RGS6: variants seen among roughly 807,000 people sequenced by gnomAD.
RGS6 encodes the protein regulator of G protein signaling 6.
Under a neutral mutation model 78.5 loss-of-function variants are expected in RGS6, and 30 were observed. That is an observed-to-expected ratio of 0.38 (90% CI 0.29 to 0.52). RGS6 has a LOEUF of 0.52. RGS6 is among the 20% of genes least tolerant of loss of function. The probability of loss-of-function intolerance (pLI) is 0.85; values close to 1 mark genes in which losing one functional copy is unlikely to be tolerated. For missense variants in RGS6, 495 were observed against 609.7 expected, an observed-to-expected ratio of 0.81 and a Z score of 1.98; for synonymous variants, 206 against 206.0, an observed-to-expected ratio of 1.00 and a Z score of 0.00.
the RGS6 span, among the ~76,000 whole-genome samples, chr14:71,886,922 C>T: frequency 0.081 from 12,291 of 152,150 alleles, 633 homozygotes; most frequent in South Asian, 0.14. Flanking sequence ...GAGGCCGAGG[C>T]GGGTGGATCA....
At chr14:71,915,355 C>T in the RGS6 span, among the ~76,000 whole-genome samples, 2 of 152,184 alleles carry the variant, frequency 1.3e-5, no homozygotes, top group African/African-American at 4.8e-5. Context: ...GAGCCCCACC[C>T]TTTCCATTAT....
At chr14:72,414,600 G>C (rs762577823) in intron 3 of RGS6, among the ~76,000 whole-genome samples, 2 of 152,180 alleles carry the variant, frequency 1.3e-5, no homozygotes, top group Admixed American at 1.3e-4. Flanking sequence ...TTCCGTTGCT[G>C]GTGAGGAGCT....
chr14:71,927,874 G>T (rs1253781272), upstream of RGS6, among the ~76,000 whole-genome samples: 1 of 151,808 alleles, frequency 6.6e-6, no homozygotes, highest in African/African-American at 2.4e-5. Flanking sequence ...TAGCCAGGAT[G>T]GTCTCGATCT....
At chr14:72,180,851 C>G (rs1460307038) in intron 2 of RGS6, among the ~76,000 whole-genome samples, 3 of 152,194 alleles carry the variant, frequency 2.0e-5, no homozygotes, top group African/African-American at 7.2e-5. Context: ...TTCCACCTTC[C>G]CCCTTCCACC....
At chr14:72,536,331 T>G in intron 16 of RGS6, 56 bp downstream of exon 16, 4 of 1,273,868 alleles carry the variant, frequency 3.1e-6, no homozygotes, top group Non-Finnish European at 4.6e-6. Flanking sequence ...GCCTGCTGCT[T>G]GCTGCTGGTT....
At chr14:72,245,186 G>A (rs757442693) in intron 2 of RGS6, among the ~76,000 whole-genome samples, 63 of 152,238 alleles carry the variant, frequency 4.1e-4, no homozygotes, top group Non-Finnish European at 3.1e-4. Context: ...AAGCACACAC[G>A]TTTGTTGAAT....
At chr14:72,463,505 C>T (rs1280784233) in intron 6 of RGS6, among the ~76,000 whole-genome samples, 1 of 152,220 alleles carries the variant, frequency 6.6e-6, no homozygotes, top group East Asian at 1.9e-4. Context: ...CAGGAGTGGC[C>T]CCAGCTCTGC....
chr14:72,176,895 C>G (rs1272046549), intron 2 of RGS6, among the ~76,000 whole-genome samples: 2 of 152,156 alleles, frequency 1.3e-5, no homozygotes, highest in East Asian at 3.9e-4. Flanking sequence ...GCTCTTGTGC[C>G]CCTTTCCAAT....
intron 1 of RGS6, among the ~76,000 whole-genome samples, chr14:71,950,109 G>A (rs1169805635): frequency 1.3e-5 from 2 of 151,990 alleles, no homozygotes; most frequent in African/African-American, 4.8e-5. Flanking sequence ...GCACCCTCTA[G>A]TTTGTTCTTA....
At chr14:71,961,330 G>A (rs1430026314) in intron 1 of RGS6, among the ~76,000 whole-genome samples, 2 of 152,186 alleles carry the variant, frequency 1.3e-5, no homozygotes, top group African/African-American at 4.8e-5. Flanking sequence ...GAACTCTAAG[G>A]TTGCTGGATT....
At chr14:72,226,208 A>C (rs747956218) in intron 2 of RGS6, among the ~76,000 whole-genome samples, 4 of 152,212 alleles carry the variant, frequency 2.6e-5, no homozygotes, top group Non-Finnish European at 5.9e-5. Context: ...AACTGAAAAT[A>C]CCACTGAAAT....
intron 2 of RGS6, among the ~76,000 whole-genome samples, chr14:72,297,435 T>TATTA (rs1162082459): frequency 6.8e-6 from 1 of 146,164 alleles, no homozygotes; most frequent in South Asian, 2.1e-4. Flanking sequence ...TATTATTTTT[T>TATTA]TTTTATACTT....
chr14:72,117,665 G>A (rs576457527), intron 2 of RGS6, among the ~76,000 whole-genome samples: 1 of 152,148 alleles, frequency 6.6e-6, no homozygotes, highest in Non-Finnish European at 1.5e-5. Flanking sequence ...ACAACATGGG[G>A]GACCTTGTGC....
At chr14:71,883,158 C>T in the RGS6 span, among the ~76,000 whole-genome samples, 1 of 152,148 alleles carries the variant, frequency 6.6e-6, no homozygotes, top group South Asian at 2.1e-4. Flanking sequence ...TATTAAGTAT[C>T]TGTAATGTAG....
At chr14:71,985,774 TG>T (rs2094684611) in intron 2 of RGS6, among the ~76,000 whole-genome samples, 1 of 152,208 alleles carries the variant, frequency 6.6e-6, no homozygotes, top group South Asian at 2.1e-4. Context: ...TGTTGATGCC[TG>T]GGGATATTCA....
the RGS6 span, among the ~76,000 whole-genome samples, chr14:71,918,350 G>A: frequency 3.9e-5 from 6 of 152,088 alleles, no homozygotes; most frequent in Non-Finnish European, 5.9e-5. Context: ...CCATCATAGT[G>A]AAATTAAAGG....
intron 13 of RGS6, among the ~76,000 whole-genome samples, chr14:72,498,029 C>T (rs1201750102): frequency 6.6e-6 from 1 of 152,114 alleles, no homozygotes; most frequent in Non-Finnish European, 1.5e-5. Context: ...AGAATCACTG[C>T]TTTGATTTTC....
At chr14:72,500,351 C>T (rs908488235) in intron 13 of RGS6, among the ~76,000 whole-genome samples, 2 of 152,194 alleles carry the variant, frequency 1.3e-5, no homozygotes, top group Non-Finnish European at 2.9e-5. Context: ...CTACTCCTAC[C>T]CACTTAGTTG....
intron 3 of RGS6, among the ~76,000 whole-genome samples, chr14:72,386,128 G>A (rs2087900681): frequency 6.6e-6 from 1 of 152,106 alleles, no homozygotes; most frequent in Non-Finnish European, 1.5e-5. Context: ...AGCAAAGGTT[G>A]AATGTCTTCT....
Sources: allele counts gnomAD v4.1 joint callset (sites outside exome capture counted in the v4.1 genomes callset), GRCh38; gene constraint gnomAD v4.1.1; transcripts MANE v1.5; gene names NCBI Gene and HGNC (gene_info 2026-07-23, HGNC 2026-07-21).